Variants in CADPS observed in about 807,000 individuals in gnomAD.
CADPS encodes calcium-dependent secretion activator 1.
Under a neutral mutation model 167.3 loss-of-function variants are expected in CADPS, and 57 were observed. That is an observed-to-expected ratio of 0.34 (90% CI 0.28 to 0.42). The LOEUF (loss-of-function observed/expected upper bound fraction) is 0.42, where lower values mean the gene tolerates loss of function less well. Ranked by LOEUF, CADPS falls within the 20% of genes least tolerant of loss-of-function variation. The pLI is 1.00. For missense variants in CADPS, 1,414 were observed against 1,738.1 expected (o/e 0.81, Z 3.32); for synonymous variants, 676 against 635.3 (o/e 1.06, Z -0.96).
At chr3:62,766,581 G>C (rs761514847) in intron 1 of CADPS, among the ~76,000 whole-genome samples, 2 of 152,094 alleles carry the variant, frequency 1.3e-5, no homozygotes, top group African/African-American at 2.4e-5. Context: ...ATTGTTGTTG[G>C]TACATCCATG....
At chr3:62,792,234 G>C (rs543392285) in intron 1 of CADPS, among the ~76,000 whole-genome samples, 19 of 148,994 alleles carry the variant, frequency 1.3e-4, no homozygotes, top group South Asian at 4.2e-4. Context: ...GTCTTGCTCT[G>C]TTGCCCAGGC....
intron 1 of CADPS, among the ~76,000 whole-genome samples, chr3:62,787,555 A>G (rs1559620419): frequency 6.6e-6 from 1 of 152,186 alleles, no homozygotes; most frequent in Non-Finnish European, 1.5e-5. Context: ...TTTCCATAGT[A>G]TATTAGCATA....
intron 6 of CADPS, among the ~76,000 whole-genome samples, chr3:62,640,353 T>C (rs1253807685): frequency 1.3e-5 from 2 of 152,170 alleles, no homozygotes; most frequent in African/African-American, 2.4e-5. Flanking sequence ...TGTAACTGAC[T>C]TAATGTGGGA....
At chr3:62,850,267 A>G (rs1003409862) in intron 1 of CADPS, among the ~76,000 whole-genome samples, 2 of 123,910 alleles carry the variant, frequency 1.6e-5, no homozygotes, top group African/African-American at 5.9e-5. Context: ...TTGTGTCTCT[A>G]TTTCCTTCAG....
chr3:62,831,701 A>T (rs2075124784), intron 1 of CADPS, among the ~76,000 whole-genome samples: 1 of 152,192 alleles, frequency 6.6e-6, no homozygotes, highest in Middle Eastern at 3.2e-3. Flanking sequence ...AGGAAGTGCT[A>T]AAAAATATTT....
rs570799592 is a variant in CADPS, at chr3:62,446,788, G to A, written c.3637-991C>T. On this transcript the variant is annotated intron_variant, in intron 26 of 29. Coordinates refer to ENST00000383710, the MANE Select transcript of CADPS (RefSeq NM_003716.4). The surrounding 1 kb of genome is among the most constrained non-coding windows in gnomAD (Gnocchi z 4.9). The stretch of plus-strand genomic sequence containing the variant: ...TTCTGTGTGTTTCATTTTGACTCAG[G>A]TCACACATGTTTCTCTAGGCACAAT... 6.6e-6 allele frequency among the ~76,000 whole-genome samples: 1 copy of A among 152,256 alleles called. No homozygotes were observed. Among genetic ancestry groups the A allele is most frequent in the South Asian group, 2.1e-4 (1 of 4,822 alleles).
chr3:62,459,302 T>G (rs2059061863), intron 26 of CADPS, among the ~76,000 whole-genome samples: 3 of 152,228 alleles, frequency 2.0e-5, no homozygotes, highest in Non-Finnish European at 2.9e-5. Context: ...GGTCTCTCTG[T>G]GACCTCGCTT....
chr3:62,532,729 GT>G, intron 13 of CADPS, 141 bp downstream of exon 13: 1 of 592,782 alleles, frequency 1.7e-6, no homozygotes, highest in Non-Finnish European at 3.0e-6. Context: ...GTGTGTGTGT[GT>G]GTGTGTGTGT....
intron 3 of CADPS, among the ~76,000 whole-genome samples, chr3:62,747,131 T>C (rs2081632066): frequency 6.6e-6 from 1 of 152,228 alleles, no homozygotes; most frequent in African/African-American, 2.4e-5. Context: ...GCAAAGTAGA[T>C]GCTAAAATCT....
At chr3:62,666,653 G>C (rs927750197) in intron 3 of CADPS, among the ~76,000 whole-genome samples, 3 of 152,198 alleles carry the variant, frequency 2.0e-5, no homozygotes, top group Non-Finnish European at 4.4e-5. Context: ...CAGTCAAGTA[G>C]AGGAAAATAA....
chr3:62,613,538 A>G (rs1562905877), intron 6 of CADPS, among the ~76,000 whole-genome samples: 1 of 152,238 alleles, frequency 6.6e-6, no homozygotes, highest in Non-Finnish European at 1.5e-5. Context: ...GGGCCACAGC[A>G]CATAATATTT....
intron 15 of CADPS, 132 bp downstream of exon 15, chr3:62,516,448 A>G (rs1008488884): frequency 7.6e-6 from 6 of 791,982 alleles, no homozygotes; most frequent in African/African-American, 1.7e-5. Flanking sequence ...CCTCGCTTCT[A>G]TTCTGATATT....
intron 8 of CADPS, among the ~76,000 whole-genome samples, chr3:62,577,127 C>T (rs2082442395): frequency 6.6e-6 from 1 of 152,012 alleles, no homozygotes; most frequent in Non-Finnish European, 1.5e-5. Flanking sequence ...CCTGGAAGAC[C>T]CCTCTGGCCT....
intron 3 of CADPS, among the ~76,000 whole-genome samples, chr3:62,704,379 T>C (rs1377582887): frequency 6.6e-6 from 1 of 152,148 alleles, no homozygotes; most frequent in East Asian, 1.9e-4. Context: ...TTGTCTGTGC[T>C]ATAATCATGT....
In CADPS at chr3:62,753,933, A is replaced by G. The variant is rs1450848351; in HGVS notation, c.556-160T>C. On this transcript the variant is annotated intron_variant, in intron 2 of 29. Transcript: ENST00000383710. This position sits in a 1 kb window ranked among gnomAD's most constrained non-coding sequence, Gnocchi z 4.6. ...CCACCTCCTGGCTGTGCAAACTCAGAGTAGTCTCTTACACATTCTGCTTCT... is the reference window on the plus strand; with the variant it reads ...CCACCTCCTGGCTGTGCAAACTCAGGGTAGTCTCTTACACATTCTGCTTCT... 6.6e-6 allele frequency among the ~76,000 whole-genome samples: 1 copy of G among 152,166 alleles called. No individual in the cohort carries two copies. Among genetic ancestry groups the G allele is most frequent in the Admixed American group, 6.5e-5 (1 of 15,280 alleles).
chr3:62,503,372 T>A (rs1198847835), intron 17 of CADPS, among the ~76,000 whole-genome samples: 1 of 152,212 alleles, frequency 6.6e-6, no homozygotes, highest in African/African-American at 2.4e-5. Context: ...TCTTTTCTTG[T>A]ATATGTTACA....
chr3:62,435,731 C>A (rs1320460628), intron 28 of CADPS, among the ~76,000 whole-genome samples: 4 of 151,884 alleles, frequency 2.6e-5, no homozygotes, highest in Non-Finnish European at 5.9e-5. Flanking sequence ...TAAGCCTTTA[C>A]CATCAGATAT....
chr3:62,408,378 T>C (rs1033607228), intron 28 of CADPS, among the ~76,000 whole-genome samples: 8 of 152,224 alleles, frequency 5.3e-5, no homozygotes, highest in African/African-American at 1.9e-4. Flanking sequence ...TTGGTTACTA[T>C]ATTTTTTGGT....
intron 6 of CADPS, among the ~76,000 whole-genome samples, chr3:62,604,367 T>G (rs2060397635): frequency 6.6e-6 from 1 of 152,186 alleles, no homozygotes; most frequent in Admixed American, 6.5e-5. Flanking sequence ...TTTCAGTTTG[T>G]TCAGCGTTTT....
Sources: allele counts gnomAD v4.1 joint callset (sites outside exome capture counted in the v4.1 genomes callset), GRCh38; gene constraint gnomAD v4.1.1; non-coding constraint Gnocchi (gnomAD v3.1); transcripts MANE v1.5; gene names NCBI Gene and HGNC (gene_info 2026-07-23, HGNC 2026-07-21).